ACOT7: variants seen among roughly 807,000 people sequenced by gnomAD.
The protein encoded by ACOT7 is cytosolic acyl coenzyme A thioester hydrolase.
Under a neutral mutation model 40.2 loss-of-function variants are expected in ACOT7, and 12 were observed. That is an observed-to-expected ratio of 0.30 (90% confidence interval 0.19 to 0.48). The LOEUF is 0.48. ACOT7 is among the 20% of genes least tolerant of loss of function. The pLI is 0.99. For synonymous variants in ACOT7, 228 were observed against 219.5 expected (o/e 1.04, Z -0.34); for missense variants, 395 against 530.8 (o/e 0.74, Z 2.51).
intron 5 of ACOT7, among the ~76,000 whole-genome samples, chr1:6,319,893 A>G (rs1185702618): frequency 1.3e-5 from 2 of 152,220 alleles, no homozygotes; most frequent in Admixed American, 6.5e-5. Context: ...GCTGGTGAAC[A>G]TGGTCAGGCC....
chr1:6,335,367 C>A (rs938884185), intron 3 of ACOT7, among the ~76,000 whole-genome samples: 1 of 147,546 alleles, frequency 6.8e-6, no homozygotes, highest in Non-Finnish European at 1.5e-5. Context: ...CTGGGCATGG[C>A]GGTGCACACA....
chr1:6,349,702 A>G (rs369212021), intron 2 of ACOT7, 47 bp downstream of exon 2: 19 of 1,564,996 alleles, frequency 1.2e-5, no homozygotes, highest in Non-Finnish European at 1.6e-5. Flanking sequence ...CTGAACTCAC[A>G]CTGGTGCGGC....
intron 5 of ACOT7, among the ~76,000 whole-genome samples, chr1:6,319,278 C>T (rs1306787498): frequency 4.6e-5 from 7 of 152,326 alleles, no homozygotes; most frequent in African/African-American, 1.4e-4. Context: ...CTGTAGCCTC[C>T]GCCTCCTGGG....
At chr1:6,315,518 G>A (rs369540759) in intron 6 of ACOT7, among the ~76,000 whole-genome samples, 2 of 152,022 alleles carry the variant, frequency 1.3e-5, no homozygotes, top group Non-Finnish European at 2.9e-5. Flanking sequence ...TTGGGAGGCC[G>A]AGGCGGGCAG....
intron 1 of ACOT7, among the ~76,000 whole-genome samples, chr1:6,379,342 C>T (rs538737105): frequency 6.6e-6 from 1 of 152,076 alleles, no homozygotes; most frequent in East Asian, 1.9e-4. Flanking sequence ...ATGCCTGCTC[C>T]CCAGCCTATA....
chr1:6,345,268 C>T (rs985019078), intron 2 of ACOT7, among the ~76,000 whole-genome samples: 2 of 152,348 alleles, frequency 1.3e-5, no homozygotes, highest in South Asian at 2.1e-4. Flanking sequence ...TGGTATCACA[C>T]GGCCCGTGAG....
At chr1:6,302,205 T>C (rs1639992969) in intron 6 of ACOT7, among the ~76,000 whole-genome samples, 1 of 152,126 alleles carries the variant, frequency 6.6e-6, no homozygotes. Flanking sequence ...GCTGGCCTCA[T>C]GGACACTGGC....
chr1:6,393,215 G>A (rs1298205406), intron 1 of ACOT7, 42 bp downstream of exon 1: 3 of 1,254,562 alleles, frequency 2.4e-6, no homozygotes, highest in Non-Finnish European at 3.0e-6. Context: ...GCGGTGACCG[G>A]CGCGCCTGGC....
At chr1:6,357,600 C>T (rs956453279) in intron 1 of ACOT7, among the ~76,000 whole-genome samples, 1 of 152,218 alleles carries the variant, frequency 6.6e-6, no homozygotes, top group African/African-American at 2.4e-5. Flanking sequence ...CTGGGGCCTG[C>T]AGACACTCGG....
intron 1 of ACOT7, among the ~76,000 whole-genome samples, chr1:6,391,509 A>C (rs1265266816): frequency 6.6e-6 from 1 of 152,252 alleles, no homozygotes; most frequent in Non-Finnish European, 1.5e-5. Flanking sequence ...CTGTCTCAAA[A>C]AACAAAAAAT....
intron 1 of ACOT7, among the ~76,000 whole-genome samples, chr1:6,373,363 G>A (rs531644294): frequency 6.6e-6 from 1 of 152,170 alleles, no homozygotes; most frequent in South Asian, 2.1e-4. Context: ...TGATTCTCCT[G>A]CCTCAGCTTC....
At chr1:6,310,769 T>G (rs1279724778) in intron 6 of ACOT7, among the ~76,000 whole-genome samples, 5 of 152,150 alleles carry the variant, frequency 3.3e-5, no homozygotes, top group Non-Finnish European at 5.9e-5. Flanking sequence ...AGTCTTGTTC[T>G]GTCACCCAGG....
At chr1:6,303,885 C>G (rs754061236) in intron 6 of ACOT7, among the ~76,000 whole-genome samples, 1 of 152,138 alleles carries the variant, frequency 6.6e-6, no homozygotes, top group African/African-American at 2.4e-5. Context: ...CCCATTGATT[C>G]CTTACATTCT....
intron 1 of ACOT7, among the ~76,000 whole-genome samples, chr1:6,366,741 C>T (rs551116697): frequency 2.2e-4 from 34 of 151,774 alleles, no homozygotes; most frequent in Non-Finnish European, 4.1e-4. Context: ...CTGCAACCTC[C>T]GTCTCCCGAG....
In ACOT7 at chr1:6,327,425, CAA is replaced by C. The variant is rs780075901; in HGVS notation, c.511-14_511-13del. On this transcript the variant is annotated splice_polypyrimidine_tract_variant and intron_variant, in intron 4 of 8. Transcript: ENST00000361521. ...TCCTGCCGGGAATACTGCGAGAAAC[CAA>C]AGACAGGTCAGGCCCAGGCAGGACA... 5 of 1,613,754 alleles carry C rather than the reference CAA, an allele frequency of 3.1e-6. No homozygotes were observed. The highest frequency in any genetic ancestry group is 2.7e-5 in the African/African-American group (2 of 75,046).
chr1:6,340,336 A>G (rs1641243427), intron 2 of ACOT7, among the ~76,000 whole-genome samples: 1 of 152,306 alleles, frequency 6.6e-6, no homozygotes, highest in East Asian at 1.9e-4. Context: ...GCCCAAAGCA[A>G]CTGCTGCAGG....
chr1:6,264,813 A>T, intron 8 of ACOT7, 118 bp from the exon 9 acceptor site: 1 of 1,055,552 alleles, frequency 9.5e-7, no homozygotes, highest in East Asian at 2.6e-5. Flanking sequence ...CCCCTGGTGC[A>T]TGCTGAGTAC....
At chr1:6,360,736 G>A (rs1641871663) in intron 1 of ACOT7, 1 of 1,600,956 alleles carries the variant, frequency 6.2e-7, no homozygotes, top group Non-Finnish European at 8.5e-7. Flanking sequence ...CCAATACTGT[G>A]CCCTTTGGAC....
Position 6,306,821 on chromosome 1 carries a change from C to G in ACOT7, c.712+11671G>C, listed in dbSNP as rs1460388702. The stretch of plus-strand genomic sequence containing the variant: ...AGTGGGGGCTCCGGCCAAACAAGGT[C>G]ACGGAATTGGAAAAGAGTAACTGTG... On this transcript the variant is annotated intron_variant, in intron 6 of 8. Coordinates refer to ENST00000361521, the MANE Select transcript of ACOT7 (RefSeq NM_007274.4). The surrounding 1 kb of genome is among the most constrained non-coding windows in gnomAD (Gnocchi z 4.3). The G allele has an allele frequency of 7.8e-7, 1 of 1,289,054 alleles. No individual in the cohort carries two copies. Among genetic ancestry groups the G allele is most frequent in the South Asian group, 1.2e-5 (1 of 81,010 alleles). 79.9% of individuals were successfully genotyped at this position (1,289,054 alleles called of 1,614,324 possible). A position where few individuals can be genotyped will look rare whatever the true frequency, so the allele number is the denominator to read the frequency against.
Sources: gnomAD v4.1 joint callset for allele counts (sites outside exome capture counted in the v4.1 genomes callset) on GRCh38, gnomAD v4.1.1 for gene constraint, Gnocchi (gnomAD v3.1) non-coding constraint, MANE v1.5 for transcripts, NCBI Gene and HGNC (gene_info 2026-07-23, HGNC 2026-07-21) for gene names.